Variants in RGS7BP observed in about 807,000 individuals in gnomAD.
The protein encoded by RGS7BP is regulator of G protein signaling 7-binding protein.
In RGS7BP, 9 loss-of-function variants were observed where a neutral mutation model predicts 31.3. The observed-to-expected ratio is 0.29, with a 90% CI of 0.17 to 0.50. The LOEUF (loss-of-function observed/expected upper bound fraction) is 0.50. Among genes scored for constraint, RGS7BP ranks in the 20% least tolerant of loss-of-function variants. The probability of loss-of-function intolerance (pLI) is 0.98; values close to 1 mark genes in which losing one functional copy is unlikely to be tolerated. For missense variants in RGS7BP, 274 were observed against 322.0 expected, an observed-to-expected ratio of 0.85 and a Z score of 1.14; for synonymous variants, 115 against 120.1, an observed-to-expected ratio of 0.96 and a Z score of 0.28.
rs144640742 is a variant in RGS7BP at position 64,536,099 on chromosome 5, A to G, written c.332+28222A>G. Among the ~76,000 whole-genome samples the G allele has an allele frequency of 8.0e-3, 1,215 of 152,332 alleles. 18 individuals are homozygous for G. Among genetic ancestry groups the G allele is most frequent in the African/African-American group, 0.026 (1,098 of 41,568 alleles). On this transcript the variant is annotated intron_variant, in intron 2 of 5. Transcript: ENST00000334025. ...TTGCCCTGTGTAGCAGGACTTTCAG[A>G]ACTGAAGTCCAGAAGTCTCTTTGGG...
chr5:64,606,036 A>G (rs995404178), intron 5 of RGS7BP, among the ~76,000 whole-genome samples: 1 of 122,316 alleles, frequency 8.2e-6, no homozygotes, highest in Non-Finnish European at 1.8e-5. Context: ...ATATATATAT[A>G]TATAGAGAGA....
chr5:64,519,750 T>A (rs1345499825), intron 2 of RGS7BP, among the ~76,000 whole-genome samples: 3 of 152,296 alleles, frequency 2.0e-5, no homozygotes, highest in African/African-American at 7.2e-5. Flanking sequence ...ATGAAATGAA[T>A]AGGATTCATC....
chr5:64,544,962 G>C (rs979280419), intron 2 of RGS7BP, among the ~76,000 whole-genome samples: 1 of 152,112 alleles, frequency 6.6e-6, no homozygotes, highest in East Asian at 1.9e-4. Context: ...AAATCACGAG[G>C]TCAGGAGATT....
chr5:64,589,341 T>C (rs1742846780), intron 3 of RGS7BP, among the ~76,000 whole-genome samples: 3 of 151,888 alleles, frequency 2.0e-5, no homozygotes, highest in Admixed American at 2.0e-4. Context: ...AGGATGCGTC[T>C]ACAATGGTAC....
At chr5:64,588,855 T>G (rs749569143) in intron 3 of RGS7BP, among the ~76,000 whole-genome samples, 1 of 151,630 alleles carries the variant, frequency 6.6e-6, no homozygotes, top group Non-Finnish European at 1.5e-5. Context: ...CAATATAAAA[T>G]AGCAATTCGG....
At chr5:64,578,813 C>A (rs1051013799) in intron 3 of RGS7BP, among the ~76,000 whole-genome samples, 1 of 152,162 alleles carries the variant, frequency 6.6e-6, no homozygotes, top group African/African-American at 2.4e-5. Context: ...CTGAAATAGG[C>A]AGTGGTTCTC....
chr5:64,585,205 G>T (rs1742710497), intron 3 of RGS7BP, among the ~76,000 whole-genome samples: 1 of 152,118 alleles, frequency 6.6e-6, no homozygotes, highest in Admixed American at 6.5e-5. Context: ...GAGCACAAAG[G>T]ATGTAGGAAA....
Position 64,554,267 on chromosome 5 carries a change from G to A in RGS7BP, c.333-21507G>A, listed in dbSNP as rs575857106. On this transcript the variant is annotated intron_variant, in intron 2 of 5. Transcript: ENST00000334025. ...TTCAGGTCACTGTTCTACACAAGGA[G>A]GCCTGCACTATACAACTGTTTCTCC... Among the ~76,000 whole-genome samples the A allele has an allele frequency of 4.6e-5, 7 of 152,236 alleles. No homozygotes were observed. The South Asian group carries it at 1.5e-3, about 32-fold the overall frequency.
intron 2 of RGS7BP, among the ~76,000 whole-genome samples, chr5:64,532,867 G>T (rs1454528284): frequency 2.0e-5 from 3 of 152,102 alleles, no homozygotes; most frequent in African/African-American, 7.2e-5. Flanking sequence ...CCATGCTGCA[G>T]CCTGAATCCC....
intron 2 of RGS7BP, among the ~76,000 whole-genome samples, chr5:64,545,695 G>T (rs757436767): frequency 6.6e-6 from 1 of 152,166 alleles, no homozygotes; most frequent in South Asian, 2.1e-4. Flanking sequence ...TCTAAGAAAA[G>T]AAGGCAATAA....
chr5:64,558,468 C>G (rs1741975972), intron 2 of RGS7BP, among the ~76,000 whole-genome samples: 1 of 152,108 alleles, frequency 6.6e-6, no homozygotes, highest in African/African-American at 2.4e-5. Context: ...TTTCCTATGC[C>G]TGTCTTTACT....
At chr5:64,603,314 G>A (rs1318786289) in intron 5 of RGS7BP, among the ~76,000 whole-genome samples, 1 of 152,196 alleles carries the variant, frequency 6.6e-6, no homozygotes, top group Non-Finnish European at 1.5e-5. Flanking sequence ...CCAAGTTAGA[G>A]ACAACAGAGG....
Position 64,538,546 on chromosome 5 carries a change from C to CTTTTTTTTTTTTTTT in RGS7BP, c.332+30683_332+30697dup, listed in dbSNP as rs1191560944. 2.2e-4 allele frequency among the ~76,000 whole-genome samples: 9 copies of CTTTTTTTTTTTTTTT among 40,026 alleles called. 2 individuals carry two copies. The highest frequency in any genetic ancestry group is 8.9e-4 in the African/African-American group (8 of 8,962). 26.3% of individuals were successfully genotyped at this position (40,026 alleles called of 152,430 possible). A position where few individuals can be genotyped will look rare whatever the true frequency, so the allele number is the denominator to read the frequency against. On this transcript the variant is annotated intron_variant, in intron 2 of 5. Transcript: ENST00000334025. ...TTCTTTTCTTTTTTTTTTTCCTTTT[C>CTTTTTTTTTTTTTTT]TTTTTTTTTTTTTTTTTTTTTTTTT...
At chr5:64,602,631 C>T (rs1743248390) in intron 5 of RGS7BP, among the ~76,000 whole-genome samples, 1 of 152,156 alleles carries the variant, frequency 6.6e-6, no homozygotes, top group Non-Finnish European at 1.5e-5. Flanking sequence ...ACCTAGGAAA[C>T]TTTTCCAAAT....
intron 3 of RGS7BP, among the ~76,000 whole-genome samples, chr5:64,591,669 AAG>A (rs529295743): frequency 1.8e-3 from 277 of 152,300 alleles, no homozygotes; most frequent in Middle Eastern, 6.8e-3. Flanking sequence ...ATTGTGGAAA[AAG>A]AGAACAATTA....
chr5:64,523,713 G>A (rs1448098701), intron 2 of RGS7BP, among the ~76,000 whole-genome samples: 1 of 152,122 alleles, frequency 6.6e-6, no homozygotes, highest in Non-Finnish European at 1.5e-5. Context: ...ATATATTTTG[G>A]CTTTGAATTA....
rs762472884 is a variant in RGS7BP, at chr5:64,521,000, C to T, written c.332+13123C>T. 1.3e-4 allele frequency among the ~76,000 whole-genome samples: 20 copies of T among 152,282 alleles called. No individual in the cohort carries two copies. In the South Asian group the frequency reaches 3.3e-3, roughly 25 times the overall value. On this transcript the variant is annotated intron_variant, in intron 2 of 5. Transcript: ENST00000334025. Reference sequence around the variant, plus strand: ...TACTGAAATCCCTTGTCAATAAATCCGCAAGAGCTCCTGTTCTCCCACAAA... The same window carrying T: ...TACTGAAATCCCTTGTCAATAAATCTGCAAGAGCTCCTGTTCTCCCACAAA...
chr5:64,584,236 C>T (rs938624888), intron 3 of RGS7BP, among the ~76,000 whole-genome samples: 1 of 152,106 alleles, frequency 6.6e-6, no homozygotes, highest in African/African-American at 2.4e-5. Context: ...AGCTAAAATC[C>T]ATTGTATATT....
At chr5:64,544,567 G>C (rs1741604991) in intron 2 of RGS7BP, among the ~76,000 whole-genome samples, 1 of 151,844 alleles carries the variant, frequency 6.6e-6, no homozygotes, top group Non-Finnish European at 1.5e-5. Flanking sequence ...CTAGCCACCT[G>C]GGAAGCTGAG....
Sources: allele counts gnomAD v4.1 joint callset (sites outside exome capture counted in the v4.1 genomes callset), GRCh38; gene constraint gnomAD v4.1.1; transcripts MANE v1.5; gene names NCBI Gene and HGNC (gene_info 2026-07-23, HGNC 2026-07-21).